Variants in ADAMTS16 observed in about 807,000 individuals in gnomAD.
ADAMTS16 encodes the protein A disintegrin and metalloproteinase with thrombospondin motifs 16.
Under a neutral mutation model 145.8 loss-of-function variants are expected in ADAMTS16, and 94 were observed. That is an observed-to-expected ratio of 0.64 (90% CI 0.55 to 0.77). The LOEUF (loss-of-function observed/expected upper bound fraction) is 0.77, where lower values mean the gene tolerates loss of function less well. ADAMTS16 is among the 30% of genes least tolerant of loss of function. ADAMTS16 has a pLI of 0.00. For missense variants in ADAMTS16, 1,585 were observed against 1,591.5 expected, an observed-to-expected ratio of 1.00 and a Z score of 0.07; for synonymous variants, 659 against 604.3, an observed-to-expected ratio of 1.09 and a Z score of -1.33.
At chr5:5,168,482 T>TA (rs996898515) in intron 3 of ADAMTS16, among the ~76,000 whole-genome samples, 2 of 143,890 alleles carry the variant, frequency 1.4e-5, no homozygotes, top group African/African-American at 5.1e-5. Context: ...TACTTTTAAT[T>TA]AAAAAAAAGC....
At chr5:5,245,061 T>C (rs1737400411) in intron 17 of ADAMTS16, among the ~76,000 whole-genome samples, 1 of 152,240 alleles carries the variant, frequency 6.6e-6, no homozygotes, top group Non-Finnish European at 1.5e-5. Flanking sequence ...GTTATTTTGA[T>C]TAAGCACTTT....
rs78749727 is a variant in ADAMTS16, at chr5:5,269,164, G to A, written c.2789+6381G>A. Among the ~76,000 whole-genome samples, 83 of 152,038 alleles carry A rather than the reference G, an allele frequency of 5.5e-4. 2 individuals carry two copies. In the East Asian group the frequency reaches 0.014, roughly 25 times the overall value. On this transcript the variant is annotated intron_variant, in intron 18 of 22. Transcript: ENST00000274181. The surrounding 1 kb of genome is among the most constrained non-coding windows in gnomAD (Gnocchi z 4.3). The stretch of plus-strand genomic sequence containing the variant: ...CTTCTGTCTCACTGCATGGCTGATC[G>A]TCCCACCGCTCACTGCCCAGGACCC...
At chr5:5,185,811 T>C (rs1202856495) in intron 4 of ADAMTS16, among the ~76,000 whole-genome samples, 2 of 152,218 alleles carry the variant, frequency 1.3e-5, no homozygotes, top group Non-Finnish European at 2.9e-5. Flanking sequence ...TGTTTTAAAT[T>C]AGGATGAAAT....
chr5:5,286,732 C>T (rs1208138886), intron 18 of ADAMTS16, among the ~76,000 whole-genome samples: 2 of 151,668 alleles, frequency 1.3e-5, no homozygotes, highest in Non-Finnish European at 2.9e-5. Flanking sequence ...GTGGCGAGCA[C>T]CTGTAGTCCC....
At chr5:5,169,881 T>G (rs1249844725) in intron 3 of ADAMTS16, among the ~76,000 whole-genome samples, 1 of 152,214 alleles carries the variant, frequency 6.6e-6, no homozygotes, top group African/African-American at 2.4e-5. Context: ...CCTCCTAATT[T>G]GATTCTGCTG....
At chr5:5,215,819 A>G (rs1378591453) in intron 10 of ADAMTS16, among the ~76,000 whole-genome samples, 1 of 126,530 alleles carries the variant, frequency 7.9e-6, no homozygotes, top group Admixed American at 8.8e-5. Flanking sequence ...TGGTATATAT[A>G]TGTGGTATAT....
At position 5,182,082 on chromosome 5, in the gene ADAMTS16, A is replaced by C; in HGVS notation, c.540A>C (p.Leu180=). The change falls in exon 4 of 23, where the codon CTA becomes CTC. Residue 180 remains leucine (L), a synonymous_variant. Transcript: ENST00000274181. ...MIRTEEADYF[L]RPLPSHLSWK... is the part of the protein sequence containing the mutation. ...GAACAGAAGAGGCAGATTACTTCCT[A>C]AGGCCACTTCCTTCACACCTCTCAT... The C allele has an allele frequency of 6.2e-7, 1 of 1,613,618 alleles. No individual in the cohort carries two copies. Among genetic ancestry groups the C allele is most frequent in the South Asian group, 1.1e-5 (1 of 91,058 alleles).
chr5:5,216,947 T>C (rs964255158), intron 10 of ADAMTS16, among the ~76,000 whole-genome samples: 9 of 151,874 alleles, frequency 5.9e-5, no homozygotes, highest in African/African-American at 2.2e-4. Flanking sequence ...CATCATTTTT[T>C]ATGGCTGCAT....
chr5:5,160,941 A>C (rs1032935728), intron 3 of ADAMTS16, among the ~76,000 whole-genome samples: 1 of 152,194 alleles, frequency 6.6e-6, no homozygotes, highest in Non-Finnish European at 1.5e-5. Context: ...TTTGTCTTAA[A>C]GTGTTAACTA....
At chr5:5,157,960 G>T (rs1413228539) in intron 3 of ADAMTS16, among the ~76,000 whole-genome samples, 2 of 152,144 alleles carry the variant, frequency 1.3e-5, no homozygotes, top group Non-Finnish European at 2.9e-5. Flanking sequence ...GTCCCCTCAG[G>T]GTTTTAGCGG....
intron 2 of ADAMTS16, among the ~76,000 whole-genome samples, chr5:5,143,029 C>T (rs1467315692): frequency 6.6e-6 from 1 of 152,162 alleles, no homozygotes; most frequent in Non-Finnish European, 1.5e-5. Flanking sequence ...CTGGACCCTT[C>T]CTTACACCTT....
chr5:5,307,684 TCTC>T (rs906323959), intron 21 of ADAMTS16, among the ~76,000 whole-genome samples: 2 of 152,110 alleles, frequency 1.3e-5, no homozygotes, highest in Non-Finnish European at 2.9e-5. Context: ...TTCCTTTCTC[TCTC>T]CTATTAGCCC....
intron 20 of ADAMTS16, among the ~76,000 whole-genome samples, chr5:5,305,705 C>CAA (rs1162288444): frequency 6.6e-6 from 1 of 152,208 alleles, no homozygotes; most frequent in African/African-American, 2.4e-5. Context: ...GCAGGTGTTG[C>CAA]CACCTGGGCT....
intron 9 of ADAMTS16, among the ~76,000 whole-genome samples, chr5:5,206,358 G>A (rs1364026640): frequency 3.2e-5 from 4 of 126,764 alleles, no homozygotes; most frequent in Admixed American, 8.0e-5. Context: ...CCCGGGAGGC[G>A]GAGCTTGCAG....
At chr5:5,306,476 C>A in intron 20 of ADAMTS16, 28 bp from the exon 21 acceptor site, 1 of 1,575,426 alleles carries the variant, frequency 6.3e-7, no homozygotes, top group South Asian at 1.2e-5. Flanking sequence ...ATTTTTTTCA[C>A]TGACTTCTTT....
chr5:5,314,711 G>A (rs1481064211), intron 21 of ADAMTS16, among the ~76,000 whole-genome samples: 1 of 152,154 alleles, frequency 6.6e-6, no homozygotes, highest in Admixed American at 6.5e-5. Flanking sequence ...ACGGGGAATT[G>A]TAAAACTCTC....
chr5:5,266,822 A>G (rs1738255570), intron 18 of ADAMTS16, among the ~76,000 whole-genome samples: 1 of 152,196 alleles, frequency 6.6e-6, no homozygotes, highest in Non-Finnish European at 1.5e-5. Flanking sequence ...TGCTGTTTCT[A>G]TATCATCTCA....
intron 3 of ADAMTS16, among the ~76,000 whole-genome samples, chr5:5,170,123 G>C (rs1436080460): frequency 6.6e-6 from 1 of 152,072 alleles, no homozygotes; most frequent in South Asian, 2.1e-4. Flanking sequence ...AGGAATCTCC[G>C]AATTGTTCTA....
intron 18 of ADAMTS16, among the ~76,000 whole-genome samples, chr5:5,295,355 T>G (rs1350376867): frequency 2.0e-5 from 3 of 152,244 alleles, no homozygotes; most frequent in African/African-American, 4.8e-5. Context: ...TAACTTCGTT[T>G]TCATAGAAAC....
Sources: gnomAD v4.1 joint callset for allele counts (sites outside exome capture counted in the v4.1 genomes callset) on GRCh38, gnomAD v4.1.1 for gene constraint, Gnocchi (gnomAD v3.1) non-coding constraint, MANE v1.5 for transcripts, NCBI Gene and HGNC (gene_info 2026-07-23, HGNC 2026-07-21) for gene names.